The following SLC7A14 variants were observed in gnomAD, a reference collection of about 807,000 sequenced individuals.
The protein encoded by SLC7A14 is gamma-aminobutyric acid transporter SLC7A14.
SLC7A14 carries 37 observed loss-of-function variants against 60.2 expected under a neutral mutation model. That is an observed-to-expected ratio of 0.61 (90% CI 0.47 to 0.81). The LOEUF is 0.81. SLC7A14 is among the 30% of genes least tolerant of loss of function. SLC7A14 has a pLI of 0.00. For missense variants in SLC7A14, 886 were observed against 982.7 expected, an observed-to-expected ratio of 0.90 and a Z score of 1.32; for synonymous variants, 399 against 395.8, an observed-to-expected ratio of 1.01 and a Z score of -0.10.
At chr3:170,547,792 C>T (rs1714225405) in intron 1 of SLC7A14, among the ~76,000 whole-genome samples, 1 of 152,166 alleles carries the variant, frequency 6.6e-6, no homozygotes, top group African/African-American at 2.4e-5. Context: ...GAGTATATGT[C>T]ATCTGTGTCA....
At chr3:170,548,584 A>G (rs555137427) in intron 1 of SLC7A14, among the ~76,000 whole-genome samples, 52 of 152,330 alleles carry the variant, frequency 3.4e-4, no homozygotes, top group Middle Eastern at 3.4e-3. Flanking sequence ...GCCTGGCTGC[A>G]CTTGAGAATC....
chr3:170,534,240 T>C (rs1277249299), intron 1 of SLC7A14, among the ~76,000 whole-genome samples: 1 of 152,220 alleles, frequency 6.6e-6, no homozygotes, highest in Non-Finnish European at 1.5e-5. Flanking sequence ...CCACACGCCT[T>C]CTTATTCCAG....
At chr3:170,526,509 A>G (rs1577537567) in intron 2 of SLC7A14, 124 bp downstream of exon 2, 6 of 1,217,224 alleles carry the variant, frequency 4.9e-6, no homozygotes, top group East Asian at 2.4e-5. Flanking sequence ...AAAAAAGAGC[A>G]TGATGATCCA....
At chr3:170,581,983 T>A (rs1479042464) in intron 1 of SLC7A14, among the ~76,000 whole-genome samples, 1 of 152,198 alleles carries the variant, frequency 6.6e-6, no homozygotes, top group East Asian at 1.9e-4. Flanking sequence ...GGATTTTGAA[T>A]TGGAACTTTC....
At chr3:170,525,409 G>C (rs972171784) in intron 2 of SLC7A14, among the ~76,000 whole-genome samples, 3 of 152,250 alleles carry the variant, frequency 2.0e-5, no homozygotes, top group African/African-American at 7.2e-5. Context: ...GAGACAAGGA[G>C]CTGCTAGTGG....
At chr3:170,516,825 G>T (rs1713173756) in intron 2 of SLC7A14, among the ~76,000 whole-genome samples, 1 of 152,010 alleles carries the variant, frequency 6.6e-6, no homozygotes, top group Admixed American at 6.6e-5. Flanking sequence ...GCAGCATGGG[G>T]GTCATGGTCT....
At chr3:170,472,031 G>A (rs973224511) in intron 7 of SLC7A14, among the ~76,000 whole-genome samples, 1 of 152,054 alleles carries the variant, frequency 6.6e-6, no homozygotes, top group African/African-American at 2.4e-5. Flanking sequence ...GGGGGTGCGT[G>A]GTGTGTGCAG....
chr3:170,505,168 A>G (rs1398317018), intron 2 of SLC7A14, among the ~76,000 whole-genome samples: 1 of 151,972 alleles, frequency 6.6e-6, no homozygotes, highest in African/African-American at 2.4e-5. Flanking sequence ...GTAAATTGAG[A>G]GACAGTTGTC....
intron 7 of SLC7A14, among the ~76,000 whole-genome samples, chr3:170,478,190 G>C (rs1711690634): frequency 6.6e-6 from 1 of 152,070 alleles, no homozygotes; most frequent in African/African-American, 2.4e-5. Context: ...CAATTTTCCT[G>C]TCTCATCCTC....
In SLC7A14 at chr3:170,585,076, G is replaced by A. The variant is rs1715347381; in HGVS notation, c.-153+835C>T. On this transcript the variant is annotated intron_variant, in intron 1 of 7. Coordinates refer to ENST00000231706, the MANE Select transcript of SLC7A14 (RefSeq NM_020949.3). This position sits in a 1 kb window ranked among gnomAD's most constrained non-coding sequence, Gnocchi z 5.1. Reference sequence around the variant, plus strand: ...GGAGGGGGCAGGGTGACACAGGAGAGAGAAGGAGGGTGGGGGCTGCATCCC... The same window carrying A: ...GGAGGGGGCAGGGTGACACAGGAGAAAGAAGGAGGGTGGGGGCTGCATCCC... Among the ~76,000 whole-genome samples, 1 of 152,170 alleles carries A rather than the reference G, an allele frequency of 6.6e-6. No homozygotes were observed. The highest frequency in any genetic ancestry group is 2.1e-4 in the South Asian group (1 of 4,828).
In SLC7A14 at chr3:170,486,303, TC is replaced by T; in HGVS notation, c.824del (p.Gly275GlufsTer23). The T allele has an allele frequency of 1.9e-6, 3 of 1,614,170 alleles. No homozygotes were observed. Among genetic ancestry groups the T allele is most frequent in the Non-Finnish European group, 2.5e-6 (3 of 1,180,024 alleles). The part of the protein sequence containing the change: ...FIGFDIIATT[G>X]EEAKNPNTSI... Reference sequence around the variant, plus strand: ...ACGTGTTGGGATTCTTGGCTTCCTCTCCAGTGGTGGCGATGATGTCAAAGCC... The same window carrying T: ...ACGTGTTGGGATTCTTGGCTTCCTCTCAGTGGTGGCGATGATGTCAAAGCC... On this transcript the variant is annotated frameshift_variant, in exon 5 of 8. Coordinates refer to ENST00000231706, the MANE Select transcript of SLC7A14 (RefSeq NM_020949.3). LOFTEE classifies it high-confidence loss of function.
chr3:170,496,553 C>A lies in SLC7A14; in HGVS notation c.759+2114G>T, dbSNP rs550827415. 11 of 1,596,076 alleles carry A rather than the reference C, an allele frequency of 6.9e-6. No homozygotes were observed. In the African/African-American group the frequency reaches 1.5e-4, roughly 21 times the overall value. On this transcript the variant is annotated intron_variant, in intron 4 of 7. Transcript: ENST00000231706. ...ACATGGCGCAGCAGCTGCGTGAGTA[C>A]CAGGAGCTGATGAACGTCAAACTGG...
intron 2 of SLC7A14, among the ~76,000 whole-genome samples, chr3:170,515,992 C>T (rs1353165427): frequency 6.6e-6 from 1 of 152,162 alleles, no homozygotes; most frequent in African/African-American, 2.4e-5. Flanking sequence ...GGTGGTCAGT[C>T]CCTCCTACAG....
At position 170,533,679 on chromosome 3, in the gene SLC7A14, GGTGTGT is replaced by G. The variant is rs397696195; in HGVS notation, c.-152-6597_-152-6592del. ...TGTGTGTGTGTGTGTGTGTGTGTGT[GGTGTGT>G]GTGTGTGCACGCACACACATGTGTG... On this transcript the variant is annotated intron_variant, in intron 1 of 7. Transcript: ENST00000231706. Among the ~76,000 whole-genome samples the G allele has an allele frequency of 1.1e-4, 16 of 143,812 alleles. No homozygotes were observed. The East Asian group carries it at 2.6e-3, about 23-fold the overall frequency. The allele number at this position is 143,812 out of a possible 152,430, so 94.3% of individuals were successfully genotyped here.
intron 2 of SLC7A14, among the ~76,000 whole-genome samples, chr3:170,511,345 C>T (rs1024141175): frequency 4.6e-5 from 7 of 151,326 alleles, no homozygotes; most frequent in South Asian, 2.1e-4. Flanking sequence ...TGCGGTGAGC[C>T]GAGATCATGC....
At chr3:170,538,183 A>G (rs763332648) in intron 1 of SLC7A14, among the ~76,000 whole-genome samples, 4 of 152,218 alleles carry the variant, frequency 2.6e-5, no homozygotes, top group Non-Finnish European at 5.9e-5. Flanking sequence ...TGGATATGCT[A>G]AATAGAGTTG....
rs1485717806 is a variant in SLC7A14 at position 170,585,492 on chromosome 3, G to T, written c.-153+419C>A. ...GGCGGAGAACGGAGCTGCCCGTGCG[G>T]GGTGCGCGCCAAGGCGGGGGACAGG... On this transcript the variant is annotated intron_variant, in intron 1 of 7. Transcript: ENST00000231706. The surrounding 1 kb of genome is among the most constrained non-coding windows in gnomAD (Gnocchi z 5.1). 6.6e-5 allele frequency among the ~76,000 whole-genome samples: 10 copies of T among 152,222 alleles called. No individual in the cohort carries two copies. Among genetic ancestry groups the T allele is most frequent in the Admixed American group, 6.5e-4 (10 of 15,288 alleles).
At chr3:170,560,861 C>A (rs1338579449) in intron 1 of SLC7A14, among the ~76,000 whole-genome samples, 1 of 152,234 alleles carries the variant, frequency 6.6e-6, no homozygotes, top group African/African-American at 2.4e-5. Flanking sequence ...TATATAACCA[C>A]TTTAACCACG....
chr3:170,480,157 C>T, intron 7 of SLC7A14, 132 bp downstream of exon 7: 1 of 864,436 alleles, frequency 1.2e-6, no homozygotes, highest in Non-Finnish European at 1.7e-6. Flanking sequence ...TTAGGCGGAA[C>T]ACAAGGGTCC....
Sources: allele counts gnomAD v4.1 joint callset (sites outside exome capture counted in the v4.1 genomes callset), GRCh38; gene constraint gnomAD v4.1.1; non-coding constraint Gnocchi (gnomAD v3.1); transcripts MANE v1.5; gene names NCBI Gene and HGNC (gene_info 2026-07-23, HGNC 2026-07-21).